TMEM120B: variants seen among roughly 807,000 people sequenced by gnomAD.
The protein encoded by TMEM120B is transmembrane protein 120B.
In TMEM120B, 31 loss-of-function variants were observed where a neutral mutation model predicts 55.5. The observed-to-expected ratio is 0.56, with a 90% CI of 0.42 to 0.75. TMEM120B has a LOEUF of 0.75. Among genes scored for constraint, TMEM120B ranks in the 30% least tolerant of loss-of-function variants. TMEM120B has a pLI of 0.00. For synonymous variants in TMEM120B, 203 were observed against 176.3 expected, an observed-to-expected ratio of 1.15 and a Z score of -1.20; for missense variants, 399 against 425.5, an observed-to-expected ratio of 0.94 and a Z score of 0.55.
At chr12:121,749,479 C>T (rs574677189) in intron 3 of TMEM120B, among the ~76,000 whole-genome samples, 4 of 152,320 alleles carry the variant, frequency 2.6e-5, no homozygotes, top group South Asian at 4.1e-4. Flanking sequence ...CCCAGGAATT[C>T]AAGACCAGCC....
chr12:121,772,575 C>T (rs1362077070), intron 8 of TMEM120B, among the ~76,000 whole-genome samples: 4 of 151,976 alleles, frequency 2.6e-5, no homozygotes, highest in Non-Finnish European at 5.9e-5. Flanking sequence ...CAGGTGCCTG[C>T]CACCATGCCT....
chr12:121,774,748 A>G (rs1874179621), intron 10 of TMEM120B, 26 bp downstream of exon 10: 5 of 1,612,006 alleles, frequency 3.1e-6, no homozygotes, highest in Non-Finnish European at 4.2e-6. Flanking sequence ...GTTTGTGGGT[A>G]TCTCCTGTCT....
At chr12:121,739,422 C>A (rs1404419170) in intron 1 of TMEM120B, among the ~76,000 whole-genome samples, 1 of 152,032 alleles carries the variant, frequency 6.6e-6, no homozygotes, top group East Asian at 1.9e-4. Context: ...AGACAATTGA[C>A]CCTTGAACAA....
At chr12:121,748,807 C>G (rs1873183849) in intron 3 of TMEM120B, among the ~76,000 whole-genome samples, 1 of 152,192 alleles carries the variant, frequency 6.6e-6, no homozygotes, top group African/African-American at 2.4e-5. Flanking sequence ...CTGGTTTATC[C>G]TCAACAATCT....
At chr12:121,727,873 CAAAA>C (rs10710244) in intron 1 of TMEM120B, among the ~76,000 whole-genome samples, 3 of 80,578 alleles carry the variant, frequency 3.7e-5, no homozygotes, top group African/African-American at 5.1e-5. Context: ...CACTCCATCT[CAAAA>C]AAAAAAAAAA....
intron 2 of TMEM120B, among the ~76,000 whole-genome samples, chr12:121,744,346 G>T (rs777224176): frequency 2.6e-5 from 4 of 152,244 alleles, no homozygotes; most frequent in Non-Finnish European, 5.9e-5. Context: ...GCCATGCCGT[G>T]TGCTAAGTCT....
At chr12:121,771,460 C>A (rs1329827942) in intron 7 of TMEM120B, 28 bp from the exon 8 acceptor site, 2 of 1,601,988 alleles carry the variant, frequency 1.2e-6, no homozygotes, top group South Asian at 1.1e-5. Flanking sequence ...GTGGGCCCCA[C>A]CTTTGTTTTT....
At chr12:121,750,659 A>ACCCACACCCACAC (rs1873256383) in intron 4 of TMEM120B, among the ~76,000 whole-genome samples, 1 of 116,412 alleles carries the variant, frequency 8.6e-6, no homozygotes, top group African/African-American at 3.5e-5. Context: ...CCACACCCAC[A>ACCCACACCCACAC]CCCACACCCA....
intron 5 of TMEM120B, among the ~76,000 whole-genome samples, chr12:121,753,968 G>T (rs1048805782): frequency 1.3e-5 from 2 of 152,252 alleles, no homozygotes; most frequent in Admixed American, 1.3e-4. Context: ...CCGTGAGGCT[G>T]TGGGCTGCTG....
chr12:121,745,701 T>C (rs943015468), intron 2 of TMEM120B, among the ~76,000 whole-genome samples: 2 of 146,380 alleles, frequency 1.4e-5, no homozygotes, highest in African/African-American at 2.5e-5. Context: ...CTTACTTTTT[T>C]TGAGATAGTG....
intron 1 of TMEM120B, among the ~76,000 whole-genome samples, chr12:121,727,536 CAAAA>C (rs758470408): frequency 2.8e-5 from 1 of 35,868 alleles, no homozygotes; most frequent in Non-Finnish European, 5.4e-5. Flanking sequence ...GACCCTGTCT[CAAAA>C]AAAAAAAAAA....
chr12:121,735,011 T>C (rs1054162309), intron 1 of TMEM120B, among the ~76,000 whole-genome samples: 4 of 151,580 alleles, frequency 2.6e-5, no homozygotes, highest in African/African-American at 9.7e-5. Context: ...AGCCCTGCTC[T>C]TCAAGGAGCA....
Position 121,780,773 on chromosome 12 carries a change from G to T in TMEM120B, c.*5051G>T. ...TATTCTTAGAATCTTGCTTCCCTCA[G>T]CTCCCTGAAAGGCCACTAAGGCACC... On this transcript the variant is annotated 3_prime_UTR_variant, in exon 12 of 12. Coordinates refer to ENST00000449592, the MANE Select transcript of TMEM120B (RefSeq NM_001080825.2). The T allele has an allele frequency of 7.3e-7, 1 of 1,363,786 alleles. No individual in the cohort carries two copies. The highest frequency in any genetic ancestry group is 9.9e-7 in the Non-Finnish European group (1 of 1,006,336). 84.5% of individuals were successfully genotyped at this position (1,363,786 alleles called of 1,614,324 possible). A position where few individuals can be genotyped will look rare whatever the true frequency, so the allele number is the denominator to read the frequency against.
At chr12:121,770,246 G>A (rs143868718) in intron 6 of TMEM120B, among the ~76,000 whole-genome samples, 643 of 152,140 alleles carry the variant, frequency 4.2e-3, no homozygotes, top group Non-Finnish European at 6.6e-3. Context: ...GCATCTCCCC[G>A]TGTGTCCTCA....
intron 8 of TMEM120B, among the ~76,000 whole-genome samples, chr12:121,771,913 G>C (rs1275882003): frequency 6.6e-6 from 1 of 152,134 alleles, no homozygotes; most frequent in Non-Finnish European, 1.5e-5. Flanking sequence ...GGTCCCAAGG[G>C]TTGCCTCTGG....
chr12:121,731,275 G>A (rs1002586349), intron 1 of TMEM120B, among the ~76,000 whole-genome samples: 6 of 151,838 alleles, frequency 4.0e-5, no homozygotes, highest in African/African-American at 7.3e-5. Flanking sequence ...TTTTTCAGGC[G>A]TAGTCTTGCT....
At chr12:121,773,252 G>A (rs991057497) in intron 8 of TMEM120B, among the ~76,000 whole-genome samples, 169 bp from the exon 9 acceptor site, 1 of 152,334 alleles carries the variant, frequency 6.6e-6, no homozygotes, top group Non-Finnish European at 1.5e-5. Context: ...TCAGACCAGA[G>A]TGTGTGTGTC....
rs115407824 is a variant in TMEM120B, at chr12:121,713,967, C to T, written c.69+1003C>T. Among the ~76,000 whole-genome samples the T allele has an allele frequency of 1.2e-3, 178 of 152,234 alleles. 1 individual carries two copies. Among genetic ancestry groups the T allele is most frequent in the African/African-American group, 3.9e-3 (160 of 41,546 alleles). The stretch of plus-strand genomic sequence containing the variant: ...ACCTCTTGTCTGCAGTTCAGTTGGC[C>T]TCCTACAGTGTGCAGAGGGGAGAGG... On this transcript the variant is annotated intron_variant, in intron 1 of 11. Transcript: ENST00000449592.
intron 5 of TMEM120B, among the ~76,000 whole-genome samples, 154 bp from the exon 6 acceptor site, chr12:121,761,495 C>G (rs1873675760): frequency 6.6e-6 from 1 of 152,138 alleles, no homozygotes; most frequent in Non-Finnish European, 1.5e-5. Flanking sequence ...AGAGACCAAG[C>G]TCCCCCTGCC....
Sources: gnomAD v4.1 joint callset for allele counts (sites outside exome capture counted in the v4.1 genomes callset) on GRCh38, gnomAD v4.1.1 for gene constraint, MANE v1.5 for transcripts, NCBI Gene and HGNC (gene_info 2026-07-23, HGNC 2026-07-21) for gene names.